ARHGAP42: variants seen among roughly 807,000 people sequenced by gnomAD.
The protein encoded by ARHGAP42 is Rho GTPase activating protein 42, also known as rho GTPase-activating protein 42.
Under a neutral mutation model 125.0 loss-of-function variants are expected in ARHGAP42, and 63 were observed. That is an observed-to-expected ratio of 0.50 (90% confidence interval 0.41 to 0.62). ARHGAP42 has a LOEUF of 0.62. ARHGAP42 is among the 20% of genes least tolerant of loss of function. The pLI is 0.00. For missense variants in ARHGAP42, 766 were observed against 1,024.2 expected (o/e 0.75, Z 3.44); for synonymous variants, 339 against 351.0 (o/e 0.97, Z 0.38).
chr11:100,733,930 G>GTTTTTT (rs774845588), intron 1 of ARHGAP42, among the ~76,000 whole-genome samples: 1 of 113,338 alleles, frequency 8.8e-6, no homozygotes, highest in Admixed American at 9.4e-5. Context: ...AAGCAAAGTT[G>GTTTTTT]TTTTTTTTTT....
chr11:100,876,864 C>G (rs901797204), intron 4 of ARHGAP42, among the ~76,000 whole-genome samples: 1 of 152,144 alleles, frequency 6.6e-6, no homozygotes, highest in Non-Finnish European at 1.5e-5. Context: ...CTATATACAG[C>G]CAGTAATAAT....
chr11:100,980,562 T>TTC (rs1565305701), intron 22 of ARHGAP42, among the ~76,000 whole-genome samples: 18 of 8,948 alleles, frequency 2.0e-3, no homozygotes, highest in African/African-American at 3.9e-3. Flanking sequence ...TCTTCTTCTT[T>TTC]TTTTTTTTTT....
chr11:100,919,278 G>A lies in ARHGAP42; in HGVS notation c.487-2216G>A, dbSNP rs190126449. On this transcript the variant is annotated intron_variant, in intron 5 of 23. Transcript: ENST00000298815. ...CAAATTCCAAACTCCCAGAGGGAAA[G>A]GAGATATTTGCATAAACCGTATTGT... is the stretch of plus-strand genomic sequence containing the variant. Among the ~76,000 whole-genome samples the A allele has an allele frequency of 1.4e-3, 211 of 152,292 alleles. 2 individuals carry two copies. Among genetic ancestry groups the A allele is most frequent in the African/African-American group, 4.8e-3 (200 of 41,564 alleles).
chr11:100,887,561 C>A (rs769392354), intron 4 of ARHGAP42, among the ~76,000 whole-genome samples: 6 of 152,212 alleles, frequency 3.9e-5, no homozygotes, highest in Admixed American at 2.0e-4. Context: ...GTAATCGTAA[C>A]TATTTCATTT....
intron 2 of ARHGAP42, among the ~76,000 whole-genome samples, chr11:100,778,046 C>T (rs1863172528): frequency 6.6e-6 from 1 of 152,054 alleles, no homozygotes; most frequent in African/African-American, 2.4e-5. Context: ...TGGTGGCATG[C>T]ACCTATAGAC....
At chr11:100,736,068 C>CA (rs1234783935) in intron 1 of ARHGAP42, among the ~76,000 whole-genome samples, 3 of 151,978 alleles carry the variant, frequency 2.0e-5, no homozygotes, top group Non-Finnish European at 4.4e-5. Flanking sequence ...ATATATTTTT[C>CA]AAAAAAATCA....
chr11:100,872,022 C>T (rs1037875900), intron 4 of ARHGAP42, among the ~76,000 whole-genome samples: 1 of 152,048 alleles, frequency 6.6e-6, no homozygotes, highest in African/African-American at 2.4e-5. Flanking sequence ...GGATAACAGG[C>T]GTGAGCCACT....
intron 5 of ARHGAP42, among the ~76,000 whole-genome samples, chr11:100,920,803 A>T (rs567018864): frequency 6.6e-6 from 1 of 152,226 alleles, no homozygotes; most frequent in South Asian, 2.1e-4. Context: ...GTTTAGAGCC[A>T]TTGAATTTTT....
intron 4 of ARHGAP42, among the ~76,000 whole-genome samples, chr11:100,877,722 C>T (rs573257095): frequency 3.7e-4 from 56 of 152,152 alleles, no homozygotes; most frequent in Admixed American, 2.1e-3. Context: ...AGAGGTGTTA[C>T]CAGGGTGGGC....
intron 1 of ARHGAP42, among the ~76,000 whole-genome samples, chr11:100,744,293 T>G (rs936187404): frequency 4.5e-4 from 69 of 152,336 alleles, no homozygotes; most frequent in African/African-American, 1.5e-3. Context: ...ATATCCTGAA[T>G]TTCTGATTTC....
chr11:100,805,555 A>T (rs1863968372), intron 3 of ARHGAP42, among the ~76,000 whole-genome samples: 1 of 152,186 alleles, frequency 6.6e-6, no homozygotes, highest in South Asian at 2.1e-4. Flanking sequence ...GAAAGTTATT[A>T]TAGGTGTAAA....
chr11:100,809,341 G>A (rs1478481032), intron 3 of ARHGAP42, among the ~76,000 whole-genome samples: 1 of 152,184 alleles, frequency 6.6e-6, no homozygotes. Flanking sequence ...CAAGGTTAAA[G>A]GGACAGAATA....
intron 1 of ARHGAP42, among the ~76,000 whole-genome samples, chr11:100,698,814 CTGTT>C (rs528879068): frequency 1.3e-5 from 2 of 152,092 alleles, no homozygotes; most frequent in African/African-American, 2.4e-5. Flanking sequence ...TAGAGGCACA[CTGTT>C]TGCGGGAGAT....
intron 10 of ARHGAP42, among the ~76,000 whole-genome samples, chr11:100,944,762 G>A (rs918177264): frequency 1.3e-5 from 2 of 151,938 alleles, no homozygotes; most frequent in Admixed American, 1.3e-4. Context: ...AATATTTTAA[G>A]TAATGTGAAT....
intron 3 of ARHGAP42, among the ~76,000 whole-genome samples, chr11:100,858,642 G>A (rs959842679): frequency 2.6e-5 from 4 of 151,988 alleles, no homozygotes; most frequent in Admixed American, 6.6e-5. Context: ...TGGAACACTT[G>A]TATACCTTTT....
chr11:100,820,078 A>G (rs1864368085), intron 3 of ARHGAP42, among the ~76,000 whole-genome samples: 1 of 152,154 alleles, frequency 6.6e-6, no homozygotes, highest in Non-Finnish European at 1.5e-5. Context: ...GGTAAAGCAT[A>G]ATAAAGGCTT....
At chr11:100,952,966 G>A (rs991322006) in intron 12 of ARHGAP42, among the ~76,000 whole-genome samples, 5 of 151,856 alleles carry the variant, frequency 3.3e-5, no homozygotes, top group Non-Finnish European at 7.4e-5. Context: ...AACTCCTGTC[G>A]AACTCCTCGG....
chr11:100,978,571 A>AT, intron 21 of ARHGAP42, among the ~76,000 whole-genome samples: 1 of 130,820 alleles, frequency 7.6e-6, no homozygotes, highest in Non-Finnish European at 1.7e-5. Context: ...ATAGTATTAT[A>AT]ATTAGTGTTT....
intron 4 of ARHGAP42, among the ~76,000 whole-genome samples, chr11:100,888,384 T>C (rs990435903): frequency 1.5e-4 from 23 of 152,258 alleles, no homozygotes; most frequent in African/African-American, 5.5e-4. Flanking sequence ...AAAATGGGAT[T>C]TGTAAAGTGT....
Sources: gnomAD v4.1 joint callset for allele counts (sites outside exome capture counted in the v4.1 genomes callset) on GRCh38, gnomAD v4.1.1 for gene constraint, MANE v1.5 for transcripts, NCBI Gene and HGNC (gene_info 2026-07-23, HGNC 2026-07-21) for gene names.